The following SLC26A7 variants were observed in gnomAD, a reference collection of about 807,000 sequenced individuals.
SLC26A7 encodes the protein anion exchange transporter.
In SLC26A7, 59 loss-of-function variants were observed where a neutral mutation model predicts 82.5. The ratio of observed to expected loss-of-function variants is 0.72; its 90% confidence interval spans 0.58 to 0.89. The LOEUF is 0.89. SLC26A7 is among the 40% of genes least tolerant of loss of function. The probability of loss-of-function intolerance (pLI) is 0.00; values close to 1 mark genes in which losing one functional copy is unlikely to be tolerated. For missense variants in SLC26A7, 820 were observed against 793.0 expected, an observed-to-expected ratio of 1.03 and a Z score of -0.41; for synonymous variants, 271 against 274.3, an observed-to-expected ratio of 0.99 and a Z score of 0.12.
intron 11 of SLC26A7, among the ~76,000 whole-genome samples, chr8:91,359,049 T>G (rs747401831): frequency 3.3e-5 from 5 of 152,208 alleles, no homozygotes; most frequent in Admixed American, 1.3e-4. Context: ...CTGCACGTTG[T>G]GCACATGTAC....
intron 2 of SLC26A7, among the ~76,000 whole-genome samples, chr8:91,271,422 A>G (rs973893613): frequency 2.0e-5 from 3 of 152,164 alleles, no homozygotes; most frequent in Non-Finnish European, 2.9e-5. Flanking sequence ...TTAAATGAAT[A>G]AATATTATTT....
chr8:91,214,126 T>G (rs4515507), intron 1 of SLC26A7, among the ~76,000 whole-genome samples: 109,764 of 151,908 alleles, frequency 0.72, 40,592 homozygotes, highest in African/African-American at 0.87. Context: ...TAGAGTGGTT[T>G]CCTACTGTGG....
At chr8:91,223,081 G>A (rs373860495) in intron 2 of SLC26A7, among the ~76,000 whole-genome samples, 4 of 152,042 alleles carry the variant, frequency 2.6e-5, no homozygotes, top group East Asian at 3.9e-4. Context: ...GTATGTTCAG[G>A]AATTTATTCA....
At chr8:91,380,637 G>C (rs1220953832) in intron 15 of SLC26A7, among the ~76,000 whole-genome samples, 1 of 152,162 alleles carries the variant, frequency 6.6e-6, no homozygotes, top group African/African-American at 2.4e-5. Context: ...ATGATGTCAT[G>C]TTGACATTCA....
intron 15 of SLC26A7, among the ~76,000 whole-genome samples, chr8:91,385,305 G>T (rs1586478277): frequency 1.3e-5 from 2 of 152,082 alleles, no homozygotes; most frequent in South Asian, 2.1e-4. Flanking sequence ...TATTGCTCTG[G>T]TTGATTTCCT....
At chr8:91,392,022 G>T (rs1318307203) in intron 16 of SLC26A7, among the ~76,000 whole-genome samples, 1 of 152,032 alleles carries the variant, frequency 6.6e-6, no homozygotes. Flanking sequence ...CTTGGCACTG[G>T]ACATGTTGAA....
chr8:91,248,483 T>C (rs1381310223), upstream of SLC26A7, among the ~76,000 whole-genome samples: 2 of 152,176 alleles, frequency 1.3e-5, no homozygotes, highest in Non-Finnish European at 2.9e-5. Context: ...TTCTTTTCCT[T>C]GGCTACACAA....
At chr8:91,355,544 A>G (rs1361824196) in intron 11 of SLC26A7, among the ~76,000 whole-genome samples, 1 of 151,928 alleles carries the variant, frequency 6.6e-6, no homozygotes, top group Non-Finnish European at 1.5e-5. Context: ...TTAATTTTAA[A>G]CATGGCTTTT....
intron 6 of SLC26A7, among the ~76,000 whole-genome samples, chr8:91,336,528 C>T (rs1416182432): frequency 1.3e-5 from 2 of 151,970 alleles, no homozygotes; most frequent in African/African-American, 2.4e-5. Context: ...CCTCCCCCAA[C>T]CCTGTTCGTG....
intron 2 of SLC26A7, among the ~76,000 whole-genome samples, chr8:91,262,468 G>T (rs764992917): frequency 1.3e-5 from 2 of 151,978 alleles, no homozygotes; most frequent in Non-Finnish European, 2.9e-5. Flanking sequence ...TTCAGATTTT[G>T]GTGGGTAAAC....
At chr8:91,362,513 G>GCAAGTAACCATGTA in intron 12 of SLC26A7, 54 bp downstream of exon 12, 1 of 1,355,390 alleles carries the variant, frequency 7.4e-7, no homozygotes, top group Non-Finnish European at 1.1e-6. Context: ...AAAATACATG[G>GCAAGTAACCATGTA]TTACTTGCCA....
chr8:91,261,612 C>G (rs1279081101), intron 2 of SLC26A7, among the ~76,000 whole-genome samples: 1 of 152,014 alleles, frequency 6.6e-6, no homozygotes, highest in East Asian at 1.9e-4. Context: ...AAAAAGCTAT[C>G]AAGGTTTGAT....
chr8:91,392,294 T>C (rs898322443), intron 16 of SLC26A7, among the ~76,000 whole-genome samples: 3 of 152,166 alleles, frequency 2.0e-5, no homozygotes, highest in African/African-American at 7.2e-5. Flanking sequence ...ACTTTAAAGA[T>C]AGACTAAGCC....
intron 2 of SLC26A7, among the ~76,000 whole-genome samples, chr8:91,231,037 A>G (rs1810303985): frequency 6.6e-6 from 1 of 152,194 alleles, no homozygotes; most frequent in Admixed American, 6.5e-5. Flanking sequence ...GAAACTTTCC[A>G]TCTTATCTGG....
intron 15 of SLC26A7, among the ~76,000 whole-genome samples, chr8:91,388,770 G>A (rs1814872977): frequency 6.6e-6 from 1 of 152,076 alleles, no homozygotes; most frequent in African/African-American, 2.4e-5. Flanking sequence ...AGATTCAGAG[G>A]CCGATTTACT....
intron 15 of SLC26A7, among the ~76,000 whole-genome samples, chr8:91,380,597 G>T (rs1186340443): frequency 6.6e-6 from 1 of 152,100 alleles, no homozygotes; most frequent in African/African-American, 2.4e-5. Context: ...ATACCATTAA[G>T]ATAGTAAAAT....
intron 4 of SLC26A7, among the ~76,000 whole-genome samples, chr8:91,311,110 C>T (rs1812469351): frequency 6.6e-6 from 1 of 152,150 alleles, no homozygotes; most frequent in East Asian, 1.9e-4. Context: ...TTAACCCCTA[C>T]CCCCATGGGA....
chr8:91,383,923 T>A (rs566888391), intron 15 of SLC26A7, among the ~76,000 whole-genome samples: 2 of 152,314 alleles, frequency 1.3e-5, no homozygotes, highest in African/African-American at 2.4e-5. Flanking sequence ...GGCACAACAA[T>A]GAATGCTGGA....
At chr8:91,304,079 T>G (rs988413877) in intron 4 of SLC26A7, among the ~76,000 whole-genome samples, 1 of 152,232 alleles carries the variant, frequency 6.6e-6, no homozygotes, top group African/African-American at 2.4e-5. Context: ...TTATATTTAT[T>G]AGCCTAGTAT....
Sources: allele counts gnomAD v4.1 joint callset (sites outside exome capture counted in the v4.1 genomes callset), GRCh38; gene constraint gnomAD v4.1.1; transcripts MANE v1.5; gene names NCBI Gene and HGNC (gene_info 2026-07-23, HGNC 2026-07-21).